Variants in SPATA17 observed in about 807,000 individuals in gnomAD.
SPATA17 encodes the protein spermatogenesis-associated protein 17.
In SPATA17, 53 loss-of-function variants were observed where a neutral mutation model predicts 62.2. That is an observed-to-expected ratio of 0.85 (90% CI 0.68 to 1.07). SPATA17 has a LOEUF of 1.07. SPATA17 is among the 50% of genes least tolerant of loss of function. The pLI, the probability that SPATA17 is intolerant of heterozygous loss-of-function variation, is 0.00. For missense variants in SPATA17, 466 were observed against 425.5 expected (o/e 1.10, Z -0.84); for synonymous variants, 146 against 146.8 (o/e 0.99, Z 0.04).
intron 6 of SPATA17, among the ~76,000 whole-genome samples, chr1:217,754,674 A>T (rs1271811591): frequency 3.3e-5 from 5 of 152,110 alleles, no homozygotes; most frequent in African/African-American, 4.8e-5. Flanking sequence ...AGTGTCTCTG[A>T]TATTTAATCC....
intron 5 of SPATA17, among the ~76,000 whole-genome samples, chr1:217,728,795 C>A (rs914795996): frequency 6.6e-6 from 1 of 152,068 alleles, no homozygotes; most frequent in African/African-American, 2.4e-5. Flanking sequence ...ATTAACTTTG[C>A]AGTTTCACGA....
chr1:217,812,016 T>C (rs551169817), intron 9 of SPATA17, among the ~76,000 whole-genome samples: 1 of 152,302 alleles, frequency 6.6e-6, no homozygotes, highest in Non-Finnish European at 1.5e-5. Flanking sequence ...TGACATGATC[T>C]TATGGTTCTT....
intron 8 of SPATA17, among the ~76,000 whole-genome samples, chr1:217,796,818 T>G (rs945628129): frequency 6.6e-5 from 10 of 152,210 alleles, no homozygotes; most frequent in Non-Finnish European, 1.2e-4. Flanking sequence ...ACCTGGACAT[T>G]TAGGTGGTTA....
At chr1:217,713,337 G>A (rs1266925567) in intron 5 of SPATA17, among the ~76,000 whole-genome samples, 1 of 151,818 alleles carries the variant, frequency 6.6e-6, no homozygotes, top group African/African-American at 2.4e-5. Flanking sequence ...TGAGCTGTTT[G>A]TTTATACATG....
intron 7 of SPATA17, among the ~76,000 whole-genome samples, chr1:217,778,377 C>T (rs1673645550): frequency 6.6e-6 from 1 of 151,712 alleles, no homozygotes; most frequent in South Asian, 2.1e-4. Context: ...AAAAATTAGC[C>T]GGGCATGGTG....
intron 5 of SPATA17, among the ~76,000 whole-genome samples, chr1:217,689,077 A>G (rs192051881): frequency 7.9e-5 from 12 of 152,274 alleles, no homozygotes; most frequent in Admixed American, 4.6e-4. Context: ...TTATTTAACA[A>G]CTACCATGTG....
chr1:217,829,738 A>G (rs1443009008), intron 9 of SPATA17, among the ~76,000 whole-genome samples: 1 of 151,712 alleles, frequency 6.6e-6, no homozygotes, highest in Non-Finnish European at 1.5e-5. Context: ...AAAATGATTA[A>G]CATGGGCATG....
At chr1:217,721,017 T>C (rs1672114407) in intron 5 of SPATA17, among the ~76,000 whole-genome samples, 1 of 152,158 alleles carries the variant, frequency 6.6e-6, no homozygotes, top group Non-Finnish European at 1.5e-5. Context: ...AATAAACTAA[T>C]ACACTCTAGA....
chr1:217,784,496 C>G (rs1673807675), intron 8 of SPATA17, among the ~76,000 whole-genome samples: 1 of 152,024 alleles, frequency 6.6e-6, no homozygotes, highest in Non-Finnish European at 1.5e-5. Context: ...TATATGAACT[C>G]AAATCTTAGT....
At chr1:217,815,634 G>A (rs1486646896) in intron 9 of SPATA17, among the ~76,000 whole-genome samples, 19 of 152,132 alleles carry the variant, frequency 1.2e-4, no homozygotes, top group Non-Finnish European at 2.8e-4. Context: ...TTGCGGATGT[G>A]CTTAAGAACC....
intron 8 of SPATA17, among the ~76,000 whole-genome samples, chr1:217,799,737 CA>C (rs1299259115): frequency 3.3e-5 from 5 of 151,806 alleles, no homozygotes; most frequent in African/African-American, 1.2e-4. Flanking sequence ...TATTAAATGG[CA>C]AAAATAATAA....
intron 6 of SPATA17, among the ~76,000 whole-genome samples, chr1:217,761,574 T>C (rs1397678284): frequency 6.6e-6 from 1 of 152,116 alleles, no homozygotes; most frequent in Non-Finnish European, 1.5e-5. Context: ...GGAATCAGTC[T>C]TGAGAGGTTG....
chr1:217,870,831 G>C lies in SPATA17; in HGVS notation c.*3812G>C, dbSNP rs913768763. ...TTCTCCACTACTCTCTAATTTCCTT[G>C]AGGGCAAATATTGTCTTTCTTGATA... On this transcript the variant is annotated 3_prime_UTR_variant, in exon 11 of 11. Coordinates refer to ENST00000366933, the MANE Select transcript of SPATA17 (RefSeq NM_138796.4). 4 of 152,144 alleles carry C rather than the reference G, an allele frequency of 2.6e-5. No individual in the cohort carries two copies. The highest frequency in any genetic ancestry group is 5.9e-5 in the Non-Finnish European group (4 of 68,024). 9.4% of individuals were successfully genotyped at this position (152,144 alleles called of 1,614,324 possible).
Position 217,864,705 on chromosome 1 carries a change from A to T in SPATA17, c.*2+1849A>T, listed in dbSNP as rs529110191. On this transcript the variant is annotated intron_variant, in intron 10 of 10. Transcript: ENST00000366933. ...TATTTTTTGATGTTTTAATGCAACC[A>T]GACGAAAGCCAAGTATTAAAACAAA... is the stretch of plus-strand genomic sequence containing the variant. Among the ~76,000 whole-genome samples the T allele has an allele frequency of 7.2e-5, 11 of 152,242 alleles. No individual in the cohort carries two copies. In the South Asian group the frequency reaches 2.1e-3, roughly 29 times the overall value.
Position 217,800,012 on chromosome 1 carries a change from G to A in SPATA17, c.873-1706G>A, listed in dbSNP as rs115842998. 1.5e-3 allele frequency among the ~76,000 whole-genome samples: 221 copies of A among 151,670 alleles called. 3 individuals are homozygous for A. The highest frequency in any genetic ancestry group is 4.3e-3 in the African/African-American group (177 of 41,356). On this transcript the variant is annotated intron_variant, in intron 8 of 10. Transcript: ENST00000366933. ...ATCCAACTTTTATTTCATTAATACC[G>A]TATCTCCTTTGATTATATGTGTTAA...
At position 217,731,429 on chromosome 1, in the gene SPATA17, T is replaced by C. The variant is rs146089751; in HGVS notation, c.396-10546T>C. ...CCCAAACCTCTTCCTCTTTCTATGG[T>C]AAATTGAACCATTCTTCATGTAGGC... On this transcript the variant is annotated intron_variant, in intron 5 of 10. Coordinates refer to ENST00000366933, the MANE Select transcript of SPATA17 (RefSeq NM_138796.4). Among the ~76,000 whole-genome samples the C allele has an allele frequency of 2.6e-3, 390 of 152,330 alleles. 1 individual carries two copies. Among genetic ancestry groups the C allele is most frequent in the African/African-American group, 8.7e-3 (362 of 41,588 alleles).
chr1:217,659,742 A>G (rs1284535914), intron 3 of SPATA17, among the ~76,000 whole-genome samples: 1 of 152,138 alleles, frequency 6.6e-6, no homozygotes, highest in Non-Finnish European at 1.5e-5. Flanking sequence ...ATAGTACTGC[A>G]ATTCAACCAG....
At chr1:217,789,736 C>CAA (rs1423225922) in intron 8 of SPATA17, among the ~76,000 whole-genome samples, 5 of 151,908 alleles carry the variant, frequency 3.3e-5, no homozygotes, top group African/African-American at 1.2e-4. Context: ...AAACTCTTTT[C>CAA]AAAAATTTGG....
At chr1:217,766,682 A>T (rs986478675) in intron 6 of SPATA17, among the ~76,000 whole-genome samples, 1 of 151,046 alleles carries the variant, frequency 6.6e-6, no homozygotes, top group Admixed American at 6.6e-5. Context: ...CCTTTTTTTA[A>T]AAAAATGTAG....
Sources: gnomAD v4.1 joint callset for allele counts (sites outside exome capture counted in the v4.1 genomes callset) on GRCh38, gnomAD v4.1.1 for gene constraint, MANE v1.5 for transcripts, NCBI Gene and HGNC (gene_info 2026-07-23, HGNC 2026-07-21) for gene names.